LTBP1: variants seen among roughly 807,000 people sequenced by gnomAD.
LTBP1 encodes the protein latent-transforming growth factor beta-binding protein 1.
A neutral mutation model predicts 207.6 loss-of-function variants in LTBP1; 129 were observed. That is an observed-to-expected ratio of 0.62 (90% confidence interval 0.54 to 0.72). The LOEUF is 0.72. LTBP1 is among the 30% of genes least tolerant of loss of function. The pLI is 0.00. For missense variants in LTBP1, 2,281 were observed against 2,217.2 expected (o/e 1.03, Z -0.58); for synonymous variants, 963 against 833.7 (o/e 1.16, Z -2.67).
chr2:32,974,010 A>G (rs144069443), intron 2 of LTBP1, among the ~76,000 whole-genome samples: 79 of 152,324 alleles, frequency 5.2e-4, no homozygotes, highest in African/African-American at 1.8e-3. Context: ...GTTGATGGAC[A>G]CTTATGTTGC....
At chr2:33,109,548 A>G (rs750309113) in intron 3 of LTBP1, among the ~76,000 whole-genome samples, 3 of 152,242 alleles carry the variant, frequency 2.0e-5, no homozygotes, top group Non-Finnish European at 2.9e-5. Context: ...GATGCAGTGG[A>G]AGAGAATTGT....
chr2:33,175,801 A>G (rs1479915771), intron 5 of LTBP1, among the ~76,000 whole-genome samples: 3 of 144,246 alleles, frequency 2.1e-5, no homozygotes, highest in South Asian at 2.2e-4. Context: ...TGGCACATGT[A>G]CACCGTGGAA....
intron 22 of LTBP1, among the ~76,000 whole-genome samples, chr2:33,307,551 A>AG (rs1022069764): frequency 2.0e-5 from 3 of 152,182 alleles, no homozygotes; most frequent in African/African-American, 7.2e-5. Context: ...AAGGAGTGAG[A>AG]GGGAATGTAT....
At chr2:32,982,272 C>T (rs1323297567) in intron 2 of LTBP1, among the ~76,000 whole-genome samples, 1 of 152,156 alleles carries the variant, frequency 6.6e-6, no homozygotes, top group East Asian at 1.9e-4. Flanking sequence ...CCCTAGAGAT[C>T]TGTGGAACTT....
rs370719920 is a variant in LTBP1, at chr2:33,389,381, G to A, written c.4834+75G>A. On this transcript the variant is annotated intron_variant, in intron 32 of 33. Coordinates refer to ENST00000404816, the MANE Select transcript of LTBP1 (RefSeq NM_206943.4). ...AATCAGTGGTCCTCAAAATGTAATG[G>A]CAACTTGTTAGCAATGCAGCATTTC... 7.5e-4 allele frequency: 1,184 copies of A among 1,585,026 alleles called. 24 individuals are homozygous for A. The South Asian group carries it at 0.012, about 16-fold the overall frequency.
At chr2:33,144,556 G>A (rs932364654) in intron 5 of LTBP1, among the ~76,000 whole-genome samples, 23 of 152,162 alleles carry the variant, frequency 1.5e-4, no homozygotes, top group African/African-American at 3.9e-4. Context: ...GTAGATGGGG[G>A]CATCTCCAGT....
In LTBP1 at chr2:33,363,454, G is replaced by T; in HGVS notation, c.4335G>T (p.Arg1445=). ...ICKNGFCLNT[R]PGYECYCKQG... is the part of the protein sequence containing the mutation. Reference sequence around the variant, plus strand: ...AAAATGGTTTCTGTTTGAACACTCGGCCTGGGTATGAATGCTACTGTAAGC... The same window carrying T: ...AAAATGGTTTCTGTTTGAACACTCGTCCTGGGTATGAATGCTACTGTAAGC... The change falls in exon 29 of 34, where the codon CGG becomes CGT. Residue 1445 remains arginine (R), a synonymous_variant. Transcript: ENST00000404816. 1 of 1,613,902 alleles carries T rather than the reference G, an allele frequency of 6.2e-7. No individual in the cohort carries two copies. The highest frequency in any genetic ancestry group is 1.3e-5 in the African/African-American group (1 of 75,006).
chr2:33,109,836 C>T (rs1050145315), intron 3 of LTBP1, among the ~76,000 whole-genome samples: 13 of 152,150 alleles, frequency 8.5e-5, no homozygotes, highest in African/African-American at 3.1e-4. Flanking sequence ...AGCTCAGTGT[C>T]GCAGAGATTC....
intron 7 of LTBP1, among the ~76,000 whole-genome samples, chr2:33,204,265 A>G (rs1196257105): frequency 6.6e-6 from 1 of 151,826 alleles, no homozygotes; most frequent in African/African-American, 2.4e-5. Context: ...ATAGAATTGA[A>G]TGTTCTATTT....
At chr2:33,206,324 A>G (rs900678591) in intron 7 of LTBP1, among the ~76,000 whole-genome samples, 5 of 152,216 alleles carry the variant, frequency 3.3e-5, no homozygotes, top group African/African-American at 1.2e-4. Context: ...AGCTTAACCA[A>G]ATGAGGCATG....
intron 19 of LTBP1, among the ~76,000 whole-genome samples, chr2:33,282,177 A>G (rs1355405499): frequency 6.6e-6 from 1 of 151,992 alleles, no homozygotes; most frequent in Non-Finnish European, 1.5e-5. Context: ...GAAATATTAG[A>G]TCACTGCATT....
intron 9 of LTBP1, among the ~76,000 whole-genome samples, chr2:33,229,115 G>A (rs1160235851): frequency 6.6e-6 from 1 of 152,102 alleles, no homozygotes; most frequent in African/African-American, 2.4e-5. Context: ...TATGCCATCT[G>A]TTGTGAGAGC....
rs971911231 is a variant in LTBP1 at position 33,201,578 on chromosome 2, T to C, written c.1701+12727T>C. On this transcript the variant is annotated intron_variant, in intron 7 of 33. Coordinates refer to ENST00000404816, the MANE Select transcript of LTBP1 (RefSeq NM_206943.4). The stretch of plus-strand genomic sequence containing the variant: ...CACCAGCATGGCACATGTATACATA[T>C]GTAACTAACCTGCACATTGTGCACA... Among the ~76,000 whole-genome samples the C allele has an allele frequency of 8.6e-5, 13 of 151,660 alleles. No individual in the cohort carries two copies. The Middle Eastern group carries it at 0.01, about 119-fold the overall frequency.
chr2:33,174,625 A>G (rs1158011512), intron 5 of LTBP1, among the ~76,000 whole-genome samples: 99 of 152,258 alleles, frequency 6.5e-4, no homozygotes, highest in African/African-American at 2.3e-3. Flanking sequence ...CAAGCTACCA[A>G]TGACTTTCTT....
intron 2 of LTBP1, among the ~76,000 whole-genome samples, chr2:32,971,107 G>T (rs2148581733): frequency 6.6e-6 from 1 of 151,718 alleles, no homozygotes; most frequent in Middle Eastern, 3.4e-3. Context: ...TGTTGTTGGT[G>T]TATAGAAATG....
intron 24 of LTBP1, among the ~76,000 whole-genome samples, chr2:33,319,355 G>C (rs138029137): frequency 6.6e-6 from 1 of 150,982 alleles, no homozygotes; most frequent in African/African-American, 2.4e-5. Context: ...CCGAGATTGC[G>C]CCATTGCACT....
chr2:33,150,301 C>T (rs1023987193), intron 5 of LTBP1, among the ~76,000 whole-genome samples: 3 of 152,062 alleles, frequency 2.0e-5, no homozygotes, highest in Non-Finnish European at 2.9e-5. Flanking sequence ...TTAATTCCCT[C>T]GGTGTGTAGG....
intron 3 of LTBP1, among the ~76,000 whole-genome samples, chr2:33,044,260 C>T (rs1048281910): frequency 6.6e-6 from 1 of 152,046 alleles, no homozygotes; most frequent in Non-Finnish European, 1.5e-5. Flanking sequence ...GCTATCCCTC[C>T]CCTAGCCCCC....
intron 3 of LTBP1, 141 bp downstream of exon 3, chr2:33,021,347 T>A: frequency 1.2e-6 from 1 of 815,790 alleles, no homozygotes; most frequent in Non-Finnish European, 1.9e-6. Context: ...TCTTAAGGCT[T>A]TACACGTTAG....
Sources: gnomAD v4.1 joint callset for allele counts (sites outside exome capture counted in the v4.1 genomes callset) on GRCh38, gnomAD v4.1.1 for gene constraint, MANE v1.5 for transcripts, NCBI Gene and HGNC (gene_info 2026-07-23, HGNC 2026-07-21) for gene names.